ANO2: variants seen among roughly 807,000 people sequenced by gnomAD.
ANO2 encodes anoctamin-2.
ANO2 carries 101 observed loss-of-function variants against 124.2 expected under a neutral mutation model. The ratio of observed to expected loss-of-function variants is 0.81; its 90% CI spans 0.69 to 0.96. The LOEUF (loss-of-function observed/expected upper bound fraction) is 0.96. Ranked by LOEUF, ANO2 falls within the 40% of genes least tolerant of loss-of-function variation. ANO2 has a pLI of 0.00. For synonymous variants in ANO2, 486 were observed against 482.5 expected, an observed-to-expected ratio of 1.01 and a Z score of -0.09; for missense variants, 1,293 against 1,274.5, an observed-to-expected ratio of 1.01 and a Z score of -0.22.
rs556185361 is a variant in ANO2, at chr12:5,908,460, G to A, written c.534+12580C>T. Reference sequence around the variant, plus strand: ...GTCACCCTATCCAAGCCGAGAGTCCGACTGCCCAGGGTGCTGGGCTGGACA... The same window carrying A: ...GTCACCCTATCCAAGCCGAGAGTCCAACTGCCCAGGGTGCTGGGCTGGACA... On this transcript the variant is annotated intron_variant, in intron 3 of 24. Coordinates refer to ENST00000682330, the MANE Select transcript of ANO2 (RefSeq NM_001364791.2). The surrounding 1 kb of genome is among the most constrained non-coding windows in gnomAD (Gnocchi z 4.7). Among the ~76,000 whole-genome samples, 3 of 152,300 alleles carry A rather than the reference G, an allele frequency of 2.0e-5. No individual in the cohort carries two copies. The South Asian group carries it at 6.2e-4, about 32-fold the overall frequency.
At chr12:5,589,568 T>C (rs1394880917) in intron 20 of ANO2, among the ~76,000 whole-genome samples, 1 of 152,198 alleles carries the variant, frequency 6.6e-6, no homozygotes, top group African/African-American at 2.4e-5. Context: ...CAATATGTTT[T>C]TAGTGACTAT....
intron 23 of ANO2, among the ~76,000 whole-genome samples, chr12:5,573,814 C>A (rs1275716699): frequency 6.6e-6 from 1 of 152,208 alleles, no homozygotes; most frequent in Non-Finnish European, 1.5e-5. Context: ...TGGTTGACGA[C>A]AGTGGAACCC....
intron 14 of ANO2, among the ~76,000 whole-genome samples, chr12:5,649,369 C>T (rs955212061): frequency 6.6e-6 from 1 of 152,130 alleles, no homozygotes; most frequent in African/African-American, 2.4e-5. Context: ...TGATAGAATC[C>T]GGTTGCTAGA....
At chr12:5,695,530 C>G (rs1193914838) in intron 14 of ANO2, among the ~76,000 whole-genome samples, 1 of 152,174 alleles carries the variant, frequency 6.6e-6, no homozygotes, top group Non-Finnish European at 1.5e-5. Flanking sequence ...AATAGAAATG[C>G]AAAACACACT....
chr12:5,649,807 TGTG>T (rs1946827452), intron 14 of ANO2, among the ~76,000 whole-genome samples: 2 of 151,974 alleles, frequency 1.3e-5, no homozygotes, highest in African/African-American at 4.8e-5. Context: ...TGTGTGTGTG[TGTG>T]TGTGTGTATT....
At chr12:5,874,970 T>C (rs7488048) in intron 3 of ANO2, among the ~76,000 whole-genome samples, 10,516 of 152,198 alleles carry the variant, frequency 0.069, 832 homozygotes, top group African/African-American at 0.19. Context: ...TAAAATTTTA[T>C]TTACAAAAGT....
intron 20 of ANO2, among the ~76,000 whole-genome samples, chr12:5,598,186 G>A (rs1013009194): frequency 2.0e-5 from 3 of 152,080 alleles, no homozygotes; most frequent in East Asian, 1.9e-4. Flanking sequence ...AGGTACTGAC[G>A]GCCCTCTGCT....
intron 10 of ANO2, among the ~76,000 whole-genome samples, chr12:5,778,548 CTGAAATCA>C (rs1565662304): frequency 6.6e-6 from 1 of 152,186 alleles, no homozygotes; most frequent in Non-Finnish European, 1.5e-5. Context: ...TCTAACATAT[CTGAAATCA>C]AAATGCAATT....
At chr12:5,861,993 T>G (rs568840134) in intron 3 of ANO2, among the ~76,000 whole-genome samples, 3 of 152,192 alleles carry the variant, frequency 2.0e-5, no homozygotes, top group African/African-American at 2.4e-5. Context: ...AGGAACACCA[T>G]AGTCTACCTG....
intron 10 of ANO2, among the ~76,000 whole-genome samples, chr12:5,775,542 A>G (rs1444657251): frequency 6.6e-6 from 1 of 150,986 alleles, no homozygotes; most frequent in Non-Finnish European, 1.5e-5. Context: ...GCTCACTGCA[A>G]GCTCCGCCTC....
chr12:5,934,569 C>G (rs1942569156), intron 1 of ANO2, among the ~76,000 whole-genome samples: 1 of 152,178 alleles, frequency 6.6e-6, no homozygotes, highest in East Asian at 1.9e-4. Context: ...GAAACCTACT[C>G]ATTGGCAGCC....
At chr12:5,903,353 T>G (rs1298105353) in intron 3 of ANO2, among the ~76,000 whole-genome samples, 1 of 152,180 alleles carries the variant, frequency 6.6e-6, no homozygotes, top group African/African-American at 2.4e-5. Context: ...CTCTTTAACA[T>G]ACATTATATC....
At chr12:5,899,970 A>C (rs1395503953) in intron 3 of ANO2, among the ~76,000 whole-genome samples, 4 of 152,188 alleles carry the variant, frequency 2.6e-5, no homozygotes, top group African/African-American at 7.2e-5. Context: ...TGAATTTAAA[A>C]ATCATTCCAA....
chr12:5,816,440 C>T (rs1953613405), intron 7 of ANO2, among the ~76,000 whole-genome samples: 1 of 152,032 alleles, frequency 6.6e-6, no homozygotes, highest in Non-Finnish European at 1.5e-5. Context: ...TTCTCCTCTG[C>T]TGAGAAGTAG....
intron 7 of ANO2, among the ~76,000 whole-genome samples, chr12:5,823,261 A>T (rs758884148): frequency 3.9e-5 from 6 of 152,208 alleles, no homozygotes; most frequent in Non-Finnish European, 7.3e-5. Flanking sequence ...CTCATTTCAG[A>T]ATTAACCCAA....
intron 15 of ANO2, among the ~76,000 whole-genome samples, chr12:5,643,022 T>C (rs1232032726): frequency 1.3e-5 from 2 of 152,080 alleles, no homozygotes; most frequent in Non-Finnish European, 2.9e-5. Context: ...GTATTTTGTG[T>C]CTTTTTAAAT....
In ANO2 at chr12:5,824,337, C is replaced by T. The variant is rs139703834; in HGVS notation, c.892+3432G>A. On this transcript the variant is annotated intron_variant, in intron 7 of 24. Transcript: ENST00000682330. Reference sequence around the variant, plus strand: ...TGAATGCTTTTAACAGCACCCAAGTCGCCTCTTGAATGCTTTGCTGCTTAG... The same window carrying T: ...TGAATGCTTTTAACAGCACCCAAGTTGCCTCTTGAATGCTTTGCTGCTTAG... Among the ~76,000 whole-genome samples the T allele has an allele frequency of 3.1e-4, 47 of 152,300 alleles. No individual in the cohort carries two copies. In the East Asian group the frequency reaches 4.2e-3, roughly 14 times the overall value.
chr12:5,589,033 G>A (rs552388714), intron 20 of ANO2, among the ~76,000 whole-genome samples: 138 of 152,340 alleles, frequency 9.1e-4, no homozygotes, highest in Non-Finnish European at 1.9e-3. Flanking sequence ...GGCAGCAGAT[G>A]TGAAGGGGCT....
In ANO2 at chr12:5,817,365, T is replaced by C. The variant is rs141513830; in HGVS notation, c.893-9997A>G. On this transcript the variant is annotated intron_variant, in intron 7 of 24. Coordinates refer to ENST00000682330, the MANE Select transcript of ANO2 (RefSeq NM_001364791.2). ...GTGGGACTAGCAGGCTGGGCATTTT[T>C]AAATTAATCCATTCAATCAAATCAA... is the stretch of plus-strand genomic sequence containing the variant. Among the ~76,000 whole-genome samples, 98 of 152,322 alleles carry C rather than the reference T, an allele frequency of 6.4e-4. 1 individual carries two copies. The highest frequency in any genetic ancestry group is 2.2e-3 in the African/African-American group (92 of 41,580).
Sources: allele counts gnomAD v4.1 joint callset (sites outside exome capture counted in the v4.1 genomes callset), GRCh38; gene constraint gnomAD v4.1.1; non-coding constraint Gnocchi (gnomAD v3.1); transcripts MANE v1.5; gene names NCBI Gene and HGNC (gene_info 2026-07-23, HGNC 2026-07-21).